Variants in LOC128092252 observed in about 807,000 individuals in gnomAD.
the LOC128092252 span, among the ~76,000 whole-genome samples, chr15:50,651,782 C>T: frequency 0.046 from 7,041 of 151,926 alleles, 218 homozygotes; most frequent in Non-Finnish European, 0.073. Flanking sequence ...CCCAGCTACT[C>T]GGGAGGCTGA....
chr15:50,666,374 G>C, the LOC128092252 span, among the ~76,000 whole-genome samples: 1 of 152,096 alleles, frequency 6.6e-6, no homozygotes, highest in African/African-American at 2.4e-5. Flanking sequence ...CAGGGAGCTC[G>C]AGGCTGCAGC....
the LOC128092252 span, among the ~76,000 whole-genome samples, chr15:50,676,150 G>GA: frequency 6.6e-6 from 1 of 152,034 alleles, no homozygotes; most frequent in Non-Finnish European, 1.5e-5. Flanking sequence ...AGCAATAAGG[G>GA]ACATGTATTA....
chr15:50,677,779 C>T, the LOC128092252 span, among the ~76,000 whole-genome samples: 2 of 149,226 alleles, frequency 1.3e-5, no homozygotes, highest in Non-Finnish European at 3.0e-5. Flanking sequence ...AACCCAGAGC[C>T]TCTACTAAGT....
chr15:50,659,836 T>G, the LOC128092252 span, among the ~76,000 whole-genome samples: 1 of 152,030 alleles, frequency 6.6e-6, no homozygotes, highest in Non-Finnish European at 1.5e-5. Flanking sequence ...CCCAGCTAGT[T>G]TTTATATTTT....
At chr15:50,684,108 C>G in the LOC128092252 span, among the ~76,000 whole-genome samples, 3 of 151,596 alleles carry the variant, frequency 2.0e-5, no homozygotes, top group Admixed American at 6.6e-5. Context: ...ATCAGCCTGT[C>G]GCCGCCTCCC....
chr15:50,670,947 G>A, the LOC128092252 span, among the ~76,000 whole-genome samples: 1 of 152,146 alleles, frequency 6.6e-6, no homozygotes, highest in Non-Finnish European at 1.5e-5. Context: ...GCCAATGGGG[G>A]CAGATTGCTG....
the LOC128092252 span, among the ~76,000 whole-genome samples, chr15:50,684,908 G>A: frequency 2.0e-5 from 3 of 152,116 alleles, no homozygotes; most frequent in Non-Finnish European, 2.9e-5. Flanking sequence ...GACAATCAGG[G>A]AAATATGCTG....
At chr15:50,661,902 T>C in the LOC128092252 span, among the ~76,000 whole-genome samples, 1 of 152,210 alleles carries the variant, frequency 6.6e-6, no homozygotes, top group South Asian at 2.1e-4. Flanking sequence ...CTTAAGTTTT[T>C]TTCTATCTTT....
chr15:50,651,088 G>A, the LOC128092252 span, among the ~76,000 whole-genome samples: 10,533 of 152,194 alleles, frequency 0.069, 488 homozygotes, highest in Non-Finnish European at 0.11. Flanking sequence ...TTGGGAAGCT[G>A]AGATGGGAGG....
chr15:50,671,842 C>T, the LOC128092252 span, among the ~76,000 whole-genome samples: 2 of 151,992 alleles, frequency 1.3e-5, no homozygotes, highest in Non-Finnish European at 2.9e-5. Flanking sequence ...ACATCGCAGC[C>T]ATCATAAGTT....
At chr15:50,649,068 T>C in the LOC128092252 span, among the ~76,000 whole-genome samples, 1 of 152,126 alleles carries the variant, frequency 6.6e-6, no homozygotes, top group East Asian at 1.9e-4. Flanking sequence ...AGCACTGAAA[T>C]AGTATAATTA....
chr15:50,667,347 C>T, the LOC128092252 span, among the ~76,000 whole-genome samples: 4 of 152,102 alleles, frequency 2.6e-5, no homozygotes, highest in African/African-American at 7.2e-5. Context: ...ATGGATCTCC[C>T]GCCTATGTAT....
chr15:50,656,503 T>C, the LOC128092252 span, among the ~76,000 whole-genome samples: 3 of 150,432 alleles, frequency 2.0e-5, no homozygotes, highest in Non-Finnish European at 4.4e-5. Flanking sequence ...GGTTTTCTTT[T>C]TTTTTTTTTT....
At chr15:50,658,778 C>T in the LOC128092252 span, among the ~76,000 whole-genome samples, 1 of 152,260 alleles carries the variant, frequency 6.6e-6, no homozygotes, top group Non-Finnish European at 1.5e-5. Flanking sequence ...GAAAATTGTA[C>T]AAGGTCGTTG....
chr15:50,667,509 C>A, the LOC128092252 span, among the ~76,000 whole-genome samples: 1 of 152,180 alleles, frequency 6.6e-6, no homozygotes. Flanking sequence ...AGTTTTGAGA[C>A]CAGCCTGGCC....
chr15:50,652,883 C>T, the LOC128092252 span, among the ~76,000 whole-genome samples: 1 of 152,060 alleles, frequency 6.6e-6, no homozygotes, highest in Non-Finnish European at 1.5e-5. Context: ...AAGACTAGGC[C>T]GGGCACACTG....
At chr15:50,666,830 G>C in the LOC128092252 span, among the ~76,000 whole-genome samples, 3 of 152,090 alleles carry the variant, frequency 2.0e-5, no homozygotes, top group Non-Finnish European at 2.9e-5. Context: ...GGTGGAGGTG[G>C]CAGCACAAGT....
At chr15:50,686,452 A>C in the LOC128092252 span, 9,207 of 1,612,004 alleles carry the variant, frequency 5.7e-3, 37 homozygotes, top group Non-Finnish European at 6.8e-3. Flanking sequence ...GGCTCCCCAC[A>C]CACTTGCCTG....
At chr15:50,683,527 G>A in the LOC128092252 span, among the ~76,000 whole-genome samples, 3 of 151,916 alleles carry the variant, frequency 2.0e-5, no homozygotes, top group African/African-American at 7.3e-5. Context: ...CTGGGGTCAG[G>A]AGTTTGAGAC....
Sources: allele counts gnomAD v4.1 joint callset (sites outside exome capture counted in the v4.1 genomes callset), GRCh38; gene constraint gnomAD v4.1.1; transcripts MANE v1.5.